Variants in CSMD1 observed in about 807,000 individuals in gnomAD.
CSMD1 encodes the protein CUB and sushi domain-containing protein 1.
CSMD1 carries 213 observed loss-of-function variants against 417.5 expected under a neutral mutation model. The ratio of observed to expected loss-of-function variants is 0.51; its 90% confidence interval spans 0.46 to 0.57. The LOEUF (loss-of-function observed/expected upper bound fraction) is 0.57. CSMD1 is among the 20% of genes least tolerant of loss of function. The pLI is 0.00. For synonymous variants in CSMD1, 2,862 were observed against 1,736.8 expected (o/e 1.65, Z -16.11); for missense variants, 6,923 against 4,529.7 (o/e 1.53, Z -15.17).
At chr8:3,967,782 C>G (rs1341705327) in intron 5 of CSMD1, among the ~76,000 whole-genome samples, 2 of 152,036 alleles carry the variant, frequency 1.3e-5, no homozygotes, top group Admixed American at 1.3e-4. Flanking sequence ...AACTAACTAC[C>G]TTAATCTACA....
At chr8:4,161,136 C>T (rs1340562946) in intron 3 of CSMD1, among the ~76,000 whole-genome samples, 2 of 150,110 alleles carry the variant, frequency 1.3e-5, no homozygotes, top group African/African-American at 2.4e-5. Flanking sequence ...AAAAAAAAGT[C>T]ATGTCTTAAG....
chr8:3,321,982 C>A (rs1393727820), intron 23 of CSMD1, among the ~76,000 whole-genome samples: 2 of 152,130 alleles, frequency 1.3e-5, no homozygotes, highest in Non-Finnish European at 2.9e-5. Context: ...AAGTGTTTTT[C>A]TGAAGAGGGA....
rs772820787 is a variant in CSMD1, at chr8:3,991,055, G to C, written c.818+6848C>G. Among the ~76,000 whole-genome samples the C allele has an allele frequency of 3.1e-4, 47 of 152,312 alleles. No homozygotes were observed. The South Asian group carries it at 5.4e-3, about 17-fold the overall frequency. On this transcript the variant is annotated intron_variant, in intron 5 of 69. Transcript: ENST00000635120. ...GCTTCACTCCACTTGTGGGGCTGCA[G>C]CATCTTTCCCAGAAATTCCTTCGCT...
At position 3,308,341 on chromosome 8, in the gene CSMD1, A is replaced by C. The variant is rs753293771; in HGVS notation, c.3794T>G (p.Val1265Gly). The C allele has an allele frequency of 3.1e-6, 5 of 1,612,338 alleles. No homozygotes were observed. The African/African-American group carries it at 5.3e-5, about 17-fold the overall frequency. ...TLTCLSGDRR[V>G]WDKPLPSCIA... is the part of the protein sequence containing the mutation. ...GCACGAAGGTAGTGGTTTGTCCCAC[A>C]CTCTCCTGTCTCCACTCAAACAGGT... Residue 1265 changes from valine to glycine, a missense_variant, in exon 24 of 70, where the codon GTG becomes GGG. Transcript: ENST00000635120.
intron 5 of CSMD1, among the ~76,000 whole-genome samples, chr8:3,966,129 C>G (rs953801434): frequency 6.6e-6 from 1 of 152,146 alleles, no homozygotes; most frequent in African/African-American, 2.4e-5. Context: ...AGGCTCCCAT[C>G]CATGCTACTT....
At chr8:3,081,928 A>G (rs534879605) in intron 49 of CSMD1, among the ~76,000 whole-genome samples, 9 of 152,160 alleles carry the variant, frequency 5.9e-5, no homozygotes, top group Admixed American at 1.3e-4. Context: ...CCTGAAGCAC[A>G]AATGTCAAAA....
chr8:4,345,520 A>C (rs1372976653), intron 3 of CSMD1, among the ~76,000 whole-genome samples: 3 of 152,128 alleles, frequency 2.0e-5, no homozygotes, highest in African/African-American at 7.2e-5. Flanking sequence ...AAGTGAAGAG[A>C]CAACATGCAG....
At chr8:3,207,761 T>C (rs750862724) in intron 30 of CSMD1, among the ~76,000 whole-genome samples, 1 of 152,194 alleles carries the variant, frequency 6.6e-6, no homozygotes, top group Non-Finnish European at 1.5e-5. Context: ...AGATTTTACT[T>C]AAATAAGCTC....
intron 5 of CSMD1, among the ~76,000 whole-genome samples, chr8:3,776,083 C>A (rs551866517): frequency 5.3e-5 from 8 of 152,308 alleles, no homozygotes; most frequent in African/African-American, 1.7e-4. Context: ...CCATACAAAT[C>A]TACTCTTTCC....
chr8:3,311,536 C>T (rs1328429724), intron 23 of CSMD1, among the ~76,000 whole-genome samples: 1 of 152,140 alleles, frequency 6.6e-6, no homozygotes, highest in African/African-American at 2.4e-5. Context: ...AAGCATGAGT[C>T]TAATCAGCTA....
intron 1 of CSMD1, among the ~76,000 whole-genome samples, chr8:4,747,114 G>C (rs180782682): frequency 6.6e-6 from 1 of 152,082 alleles, no homozygotes; most frequent in South Asian, 2.1e-4. Flanking sequence ...AGGTGCTTTC[G>C]GCTCCTGCTC....
At chr8:4,126,904 A>G (rs953933782) in intron 3 of CSMD1, among the ~76,000 whole-genome samples, 1 of 152,120 alleles carries the variant, frequency 6.6e-6, no homozygotes, top group African/African-American at 2.4e-5. Flanking sequence ...GGGTTAGAAC[A>G]CAGGCTCTCA....
chr8:3,644,029 T>C (rs1446346363), intron 7 of CSMD1, among the ~76,000 whole-genome samples: 1 of 152,134 alleles, frequency 6.6e-6, no homozygotes, highest in African/African-American at 2.4e-5. Context: ...GAAACAAACA[T>C]TTGAAACACA....
intron 14 of CSMD1, 98 bp from the exon 15 acceptor site, chr8:3,406,319 A>G: frequency 1.2e-6 from 1 of 831,686 alleles, no homozygotes; most frequent in Non-Finnish European, 1.8e-6. Flanking sequence ...TAAAGCATTC[A>G]TATAATGTAT....
chr8:4,857,122 C>G (rs1178411853), intron 1 of CSMD1, among the ~76,000 whole-genome samples: 1 of 151,110 alleles, frequency 6.6e-6, no homozygotes, highest in African/African-American at 2.4e-5. Flanking sequence ...TCACTCACAA[C>G]CGCTCAACTA....
intron 5 of CSMD1, among the ~76,000 whole-genome samples, chr8:3,979,102 T>A (rs769510646): frequency 2.0e-5 from 3 of 152,230 alleles, no homozygotes; most frequent in African/African-American, 4.8e-5. Context: ...AGCCAGTGCA[T>A]TTAGAGAGCT....
chr8:3,447,536 G>T (rs552137852), intron 12 of CSMD1, among the ~76,000 whole-genome samples: 6 of 152,204 alleles, frequency 3.9e-5, no homozygotes, highest in Non-Finnish European at 5.9e-5. Context: ...GTGTGGGACA[G>T]GTGGCACCCG....
intron 3 of CSMD1, among the ~76,000 whole-genome samples, chr8:4,331,771 C>G (rs116848886): frequency 6.6e-6 from 1 of 152,126 alleles, no homozygotes; most frequent in Admixed American, 6.5e-5. Context: ...GCCAAGTCTT[C>G]CCAGGAGAGG....
chr8:3,057,137 T>G (rs1812284727), intron 49 of CSMD1, among the ~76,000 whole-genome samples: 1 of 152,228 alleles, frequency 6.6e-6, no homozygotes, highest in South Asian at 2.1e-4. Context: ...GTAAGAAATG[T>G]TGAAAAGATG....
Sources: allele counts gnomAD v4.1 joint callset (sites outside exome capture counted in the v4.1 genomes callset), GRCh38; gene constraint gnomAD v4.1.1; transcripts MANE v1.5; gene names NCBI Gene and HGNC (gene_info 2026-07-23, HGNC 2026-07-21).